The following FMN1 variants were observed in gnomAD, a reference collection of about 807,000 sequenced individuals.
FMN1 encodes the protein formin 1.
Under a neutral mutation model 132.4 loss-of-function variants are expected in FMN1, and 110 were observed. That is an observed-to-expected ratio of 0.83 (90% confidence interval 0.71 to 0.97). FMN1 has a LOEUF of 0.97. Ranked by LOEUF, FMN1 falls within the 50% of genes least tolerant of loss-of-function variation. The pLI is 0.00. For missense variants in FMN1, 1,792 were observed against 1,705.3 expected (o/e 1.05, Z -0.90); for synonymous variants, 722 against 651.7 (o/e 1.11, Z -1.64).
intron 4 of FMN1, chr15:33,150,969 G>C: frequency 9.4e-7 from 1 of 1,069,140 alleles, no homozygotes; most frequent in South Asian, 3.8e-5. Context: ...TAGGTGGGAA[G>C]AGAAATGAAG....
intron 7 of FMN1, among the ~76,000 whole-genome samples, chr15:32,993,585 A>G (rs1019432556): frequency 3.3e-5 from 5 of 152,222 alleles, no homozygotes; most frequent in Non-Finnish European, 5.9e-5. Flanking sequence ...TCAAAAGGGT[A>G]GTGTGTTGTC....
chr15:32,983,303 T>C (rs949137185), intron 7 of FMN1, among the ~76,000 whole-genome samples: 1 of 152,108 alleles, frequency 6.6e-6, no homozygotes, highest in African/African-American at 2.4e-5. Context: ...GACGTTCTGG[T>C]AAAATCAAAA....
At chr15:32,886,235 G>A (rs1354303556) in intron 16 of FMN1, among the ~76,000 whole-genome samples, 1 of 152,122 alleles carries the variant, frequency 6.6e-6, no homozygotes, top group African/African-American at 2.4e-5. Flanking sequence ...GGGCATTTTT[G>A]TTTAAATATT....
chr15:32,855,426 C>A (rs2059109406), intron 17 of FMN1, among the ~76,000 whole-genome samples: 1 of 152,148 alleles, frequency 6.6e-6, no homozygotes, highest in African/African-American at 2.4e-5. Context: ...CCAGAATTGT[C>A]TTGGGAGCCC....
chr15:33,080,150 A>G (rs973523903), intron 5 of FMN1, among the ~76,000 whole-genome samples: 1 of 152,228 alleles, frequency 6.6e-6, no homozygotes, highest in Non-Finnish European at 1.5e-5. Context: ...AGCCATTCCT[A>G]TGGCCTGTAG....
At chr15:32,895,141 A>T (rs1279722969) in intron 15 of FMN1, among the ~76,000 whole-genome samples, 1 of 152,132 alleles carries the variant, frequency 6.6e-6, no homozygotes, top group East Asian at 1.9e-4. Context: ...GAAATTTCTT[A>T]AAAGGTTACA....
At chr15:32,795,251 G>A (rs1193311439) in intron 19 of FMN1, among the ~76,000 whole-genome samples, 1 of 152,080 alleles carries the variant, frequency 6.6e-6, no homozygotes, top group African/African-American at 2.4e-5. Context: ...GGTGAGGCAA[G>A]GTAGCTATAG....
At chr15:32,965,987 G>A (rs67433453) in intron 8 of FMN1, among the ~76,000 whole-genome samples, 9 of 151,904 alleles carry the variant, frequency 5.9e-5, no homozygotes, top group South Asian at 2.1e-4. Flanking sequence ...TGGGGGAGAC[G>A]GGGGAGAAGT....
chr15:33,067,681 T>G (rs1182560985), intron 5 of FMN1: 1 of 1,613,994 alleles, frequency 6.2e-7, no homozygotes, highest in Non-Finnish European at 8.5e-7. Context: ...CCTGCTGAGA[T>G]GTGGGATTCA....
intron 4 of FMN1, among the ~76,000 whole-genome samples, chr15:33,128,492 G>C (rs1372035471): frequency 6.6e-6 from 1 of 152,174 alleles, no homozygotes; most frequent in African/African-American, 2.4e-5. Flanking sequence ...CCTCATGCAA[G>C]TTCTCAGAGT....
At chr15:33,099,699 A>G (rs1420869254) in intron 4 of FMN1, among the ~76,000 whole-genome samples, 1 of 152,234 alleles carries the variant, frequency 6.6e-6, no homozygotes, top group Non-Finnish European at 1.5e-5. Context: ...TAGGGATACC[A>G]TATCTGAAAC....
rs1422945822 is a variant in FMN1, at chr15:32,964,145, G to A, written c.3100C>T (p.Leu1034=). The A allele has an allele frequency of 1.2e-6, 2 of 1,613,002 alleles. No individual in the cohort carries two copies. Among genetic ancestry groups the A allele is most frequent in the Non-Finnish European group, 1.7e-6 (2 of 1,179,484 alleles). Residue 1034 remains leucine (L), a synonymous_variant, in exon 9 of 21, where the codon CTG becomes TTG. Transcript: ENST00000616417. ...KDTTQQKKKP[L]SETYEKKNKV... Reference sequence around the variant, plus strand: ...TTTTTCTTCTCATAAGTCTCTGACAGAGGTTTTTTCTTCTGTTGAGTTGTG... The same window carrying A: ...TTTTTCTTCTCATAAGTCTCTGACAAAGGTTTTTTCTTCTGTTGAGTTGTG...
intron 17 of FMN1, among the ~76,000 whole-genome samples, chr15:32,815,644 C>T (rs765255123): frequency 4.6e-5 from 7 of 152,134 alleles, no homozygotes; most frequent in Admixed American, 2.0e-4. Context: ...TTTCCAATAA[C>T]GGAATCACGT....
At chr15:33,144,637 G>GAAAA (rs10606867) in intron 4 of FMN1, among the ~76,000 whole-genome samples, 1 of 101,128 alleles carries the variant, frequency 9.9e-6, no homozygotes, top group Non-Finnish European at 2.0e-5. Flanking sequence ...GACTCCGTCT[G>GAAAA]AAAAAAAAAA....
Position 32,773,183 on chromosome 15 carries a change from G to A in FMN1, c.*1127C>T, listed in dbSNP as rs1031712889. 5.9e-5 allele frequency: 9 copies of A among 152,194 alleles called. No individual in the cohort carries two copies. The highest frequency in any genetic ancestry group is 4.6e-4 in the Admixed American group (7 of 15,278). 9.4% of individuals were successfully genotyped at this position (152,194 alleles called of 1,614,324 possible). A position where few individuals can be genotyped will look rare whatever the true frequency, so the allele number is the denominator to read the frequency against. Reference sequence around the variant, plus strand: ...GCTGCCTGTGAACAATATTCCACTTGGAAGTTTTCTATTAATGTAATTACT... The same window carrying A: ...GCTGCCTGTGAACAATATTCCACTTAGAAGTTTTCTATTAATGTAATTACT... On this transcript the variant is annotated 3_prime_UTR_variant, in exon 21 of 21. Transcript: ENST00000616417.
At chr15:33,151,220 C>A (rs1453257164) in intron 4 of FMN1, 25 of 1,533,340 alleles carry the variant, frequency 1.6e-5, no homozygotes, top group Non-Finnish European at 2.2e-5. Context: ...TATAGGAAGT[C>A]TCCACAGTAG....
At chr15:32,887,245 C>A (rs1003491137) in intron 16 of FMN1, among the ~76,000 whole-genome samples, 2 of 152,128 alleles carry the variant, frequency 1.3e-5, no homozygotes, top group Non-Finnish European at 2.9e-5. Context: ...TTAAAATATT[C>A]CTGGTTGAAG....
At chr15:33,094,211 T>A (rs1328110413) in intron 4 of FMN1, among the ~76,000 whole-genome samples, 2 of 152,158 alleles carry the variant, frequency 1.3e-5, no homozygotes, top group Admixed American at 1.3e-4. Context: ...ACTCCCTGAG[T>A]CTTTTTCCCT....
intron 4 of FMN1, among the ~76,000 whole-genome samples, chr15:33,109,451 A>G (rs555924421): frequency 1.1e-3 from 167 of 152,224 alleles, no homozygotes; most frequent in African/African-American, 4.0e-3. Context: ...ATGTCAATCG[A>G]TGACAGATTG....
Sources: gnomAD v4.1 joint callset for allele counts (sites outside exome capture counted in the v4.1 genomes callset) on GRCh38, gnomAD v4.1.1 for gene constraint, MANE v1.5 for transcripts, NCBI Gene and HGNC (gene_info 2026-07-23, HGNC 2026-07-21) for gene names.